Variants in USP37 observed in about 807,000 individuals in gnomAD.
The protein encoded by USP37 is ubiquitin carboxyl-terminal hydrolase 37.
Under a neutral mutation model 124.0 loss-of-function variants are expected in USP37, and 27 were observed. The observed-to-expected ratio is 0.22, with a 90% CI of 0.16 to 0.30. The LOEUF is 0.30. Ranked by LOEUF, USP37 falls within the 10% of genes least tolerant of loss-of-function variation. The pLI, the probability that USP37 is intolerant of heterozygous loss-of-function variation, is 1.00. For synonymous variants in USP37, 365 were observed against 388.0 expected (o/e 0.94, Z 0.70); for missense variants, 889 against 1,140.4 (o/e 0.78, Z 3.17).
chr2:218,497,906 T>C (rs946472280), intron 12 of USP37, 49 bp from the exon 13 acceptor site: 1 of 1,590,820 alleles, frequency 6.3e-7, no homozygotes, highest in Non-Finnish European at 8.5e-7. Context: ...TGACATGGCG[T>C]GATATTTTAA....
intron 21 of USP37, among the ~76,000 whole-genome samples, chr2:218,465,515 T>C (rs755428481): frequency 6.6e-5 from 10 of 152,212 alleles, no homozygotes; most frequent in Non-Finnish European, 1.0e-4. Context: ...CAATGAATTA[T>C]AGTTATGAAA....
intron 3 of USP37, among the ~76,000 whole-genome samples, chr2:218,559,590 C>T (rs1693208094): frequency 6.6e-6 from 1 of 152,174 alleles, no homozygotes; most frequent in Non-Finnish European, 1.5e-5. Context: ...TATATTTAAA[C>T]TACCATTCCT....
rs757152311 is a variant in USP37 at position 218,457,057 on chromosome 2, A to C, written c.2713+35T>G. On this transcript the variant is annotated intron_variant, in intron 24 of 25. Coordinates refer to ENST00000258399, the MANE Select transcript of USP37 (RefSeq NM_020935.3). ...ATAAAGAGCAAATGCTGACTAGTTC[A>C]TTTATAAAATGCTGAAATCATGATG... The C allele has an allele frequency of 1.9e-6, 3 of 1,602,760 alleles. No individual in the cohort carries two copies. In the South Asian group the frequency reaches 3.3e-5, roughly 18 times the overall value.
In USP37 at chr2:218,558,650, A is replaced by G; in HGVS notation, c.4T>C (p.Ser2Pro). The change falls in exon 4 of 26, where the codon TCT (serine) becomes CCT (proline). Residue 2 changes from serine to proline, a missense_variant. By Grantham distance (74) the Ser-to-Pro change is moderately conservative. Coordinates refer to ENST00000258399, the MANE Select transcript of USP37 (RefSeq NM_020935.3). M[S>P]PLKIHGPIRI... ...ATAGGACCATGTATCTTCAGAGGAG[A>G]CATATTTTCTTTAAAAATTGCTTCT... is the stretch of plus-strand genomic sequence containing the variant. 6.3e-7 allele frequency: 1 copy of G among 1,588,556 alleles called. No individual in the cohort carries two copies. The highest frequency in any genetic ancestry group is 8.6e-7 in the Non-Finnish European group (1 of 1,168,684).
At position 218,490,847 on chromosome 2, in the gene USP37, C is replaced by T. The variant is rs374541583; in HGVS notation, c.1473-2426G>A. Among the ~76,000 whole-genome samples, 4 of 152,298 alleles carry T rather than the reference C, an allele frequency of 2.6e-5. No individual in the cohort carries two copies. In the East Asian group the frequency reaches 7.7e-4, roughly 29 times the overall value. On this transcript the variant is annotated intron_variant, in intron 14 of 25. Transcript: ENST00000258399. ...TCGAATGAATCAAAAAGGAGATTAT[C>T]TGAATGGGTCAGATCCAATCATATG...
chr2:218,479,609 C>T (rs1291151723), intron 18 of USP37, 41 bp downstream of exon 18: 9 of 1,564,948 alleles, frequency 5.8e-6, no homozygotes, highest in Non-Finnish European at 7.9e-6. Flanking sequence ...TAAGCCAAAA[C>T]CTTAAACACA....
Position 218,497,133 on chromosome 2 carries a change from C to T in USP37, c.1281+601G>A, listed in dbSNP as rs1689124968. 2.6e-5 allele frequency among the ~76,000 whole-genome samples: 4 copies of T among 151,968 alleles called. No homozygotes were observed. In the South Asian group the frequency reaches 6.2e-4, roughly 24 times the overall value. ...TAGCCCAGGTTGGAGTGCAATGGTGCGATCTCAGCTCACTGCAACCTCTGC... is the reference window on the plus strand; with the variant it reads ...TAGCCCAGGTTGGAGTGCAATGGTGTGATCTCAGCTCACTGCAACCTCTGC... On this transcript the variant is annotated intron_variant, in intron 13 of 25. Coordinates refer to ENST00000258399, the MANE Select transcript of USP37 (RefSeq NM_020935.3).
chr2:218,479,974 T>C (rs895171349), intron 17 of USP37, among the ~76,000 whole-genome samples: 2 of 152,008 alleles, frequency 1.3e-5, no homozygotes, highest in South Asian at 2.1e-4. Flanking sequence ...GGTGAAACCC[T>C]GTCTCTACTA....
Position 218,474,782 on chromosome 2 carries a change from C to T in USP37, c.2147G>A (p.Ser716Asn). The part of the protein sequence containing the change: ...EELLAAVLEI[S>N]KRDASPSLSH... Reference sequence around the variant, plus strand: ...CAGAGATGGTGAAGCATCTCTCTTACTTATCTCCAAGACAGCTGCTAGAAG... The same window carrying T: ...CAGAGATGGTGAAGCATCTCTCTTATTTATCTCCAAGACAGCTGCTAGAAG... The change falls in exon 20 of 26, where the codon AGT becomes AAT. Residue 716 changes from serine (S) to asparagine (N), a missense_variant. Ser to Asn is a conservative substitution (Grantham distance 46). Coordinates refer to ENST00000258399, the MANE Select transcript of USP37 (RefSeq NM_020935.3). The T allele has an allele frequency of 6.2e-7, 1 of 1,614,164 alleles. No individual in the cohort carries two copies. Among genetic ancestry groups the T allele is most frequent in the Non-Finnish European group, 8.5e-7 (1 of 1,180,026 alleles).
Position 218,482,144 on chromosome 2 carries a change from G to A in USP37, c.1761C>T (p.Tyr587=). The A allele has an allele frequency of 6.2e-7, 1 of 1,613,934 alleles. No homozygotes were observed. Among genetic ancestry groups the A allele is most frequent in the Non-Finnish European group, 8.5e-7 (1 of 1,179,888 alleles). The change falls in exon 17 of 26, where the codon TAC becomes TAT. Residue 587 remains tyrosine (Y), a synonymous_variant. Coordinates refer to ENST00000258399, the MANE Select transcript of USP37 (RefSeq NM_020935.3). ...KIGQQVIIPR[Y]LTLSSHCTEN... ...CAGTGCAATGAGATGACAGGGTCAG[G>A]TATCTTGGAATGATGACTTGCTGCC...
In USP37 at chr2:218,463,384, A is replaced by G. The variant is rs760539035; in HGVS notation, c.2467-18T>C. ...CAAGCCTCCTAAAGGGAAAAGAACA[A>G]AAACTAAGGTATTTAAAGAGGTACT... On this transcript the variant is annotated intron_variant, in intron 21 of 25. Coordinates refer to ENST00000258399, the MANE Select transcript of USP37 (RefSeq NM_020935.3). 9.3e-6 allele frequency: 15 copies of G among 1,612,622 alleles called. No individual in the cohort carries two copies. The highest frequency in any genetic ancestry group is 1.2e-5 in the Non-Finnish European group (14 of 1,178,802).
chr2:218,544,430 T>TATATATAGAGAGAGAGAG (rs377397246), intron 8 of USP37, among the ~76,000 whole-genome samples: 1 of 50,818 alleles, frequency 2.0e-5, no homozygotes, highest in Non-Finnish European at 2.9e-5. Flanking sequence ...TATATATATA[T>TATATATAGAGAGAGAGAG]AGAGAGAGAG....
chr2:218,478,512 T>A (rs1019346351), intron 18 of USP37, among the ~76,000 whole-genome samples: 1 of 152,238 alleles, frequency 6.6e-6, no homozygotes, highest in Non-Finnish European at 1.5e-5. Context: ...TTGATCGGCA[T>A]GACAGGTCTT....
At chr2:218,477,708 A>T (rs777507036) in intron 18 of USP37, among the ~76,000 whole-genome samples, 17 of 152,280 alleles carry the variant, frequency 1.1e-4, no homozygotes, top group Non-Finnish European at 1.9e-4. Flanking sequence ...ACAGTGCAAT[A>T]ATTGATACTT....
chr2:218,544,386 C>CA lies in USP37; in HGVS notation c.680+1834dup, dbSNP rs1163366372. Among the ~76,000 whole-genome samples, 67 of 25,784 alleles carry CA rather than the reference C, an allele frequency of 2.6e-3. 1 individual carries two copies. Among genetic ancestry groups the CA allele is most frequent in the Middle Eastern group, 0.022 (1 of 46 alleles). 16.9% of individuals were successfully genotyped at this position (25,784 alleles called of 152,430 possible). A position where few individuals can be genotyped will look rare whatever the true frequency, so the allele number is the denominator to read the frequency against. On this transcript the variant is annotated intron_variant, in intron 8 of 25. Transcript: ENST00000258399. ...GGTGACAGAACAAGACTCCGTTTCA[C>CA]AAAAAAAAAAAAAAAAAAAAATATA... is the stretch of plus-strand genomic sequence containing the variant.
intron 11 of USP37, among the ~76,000 whole-genome samples, chr2:218,503,832 AAAGT>A (rs1689527694): frequency 6.6e-6 from 1 of 152,172 alleles, no homozygotes; most frequent in Non-Finnish European, 1.5e-5. Context: ...AAAAGAGAAA[AAAGT>A]AACCAAGGAC....
At chr2:218,469,679 C>G (rs1037332826) in intron 20 of USP37, among the ~76,000 whole-genome samples, 14 of 151,986 alleles carry the variant, frequency 9.2e-5, no homozygotes, top group African/African-American at 3.4e-4. Flanking sequence ...ATACATTTGT[C>G]TTCAGGATAA....
intron 10 of USP37, among the ~76,000 whole-genome samples, chr2:218,521,879 T>A (rs1002190708): frequency 6.6e-6 from 1 of 152,172 alleles, no homozygotes; most frequent in African/African-American, 2.4e-5. Flanking sequence ...CTTAACGTTG[T>A]CTTTTCCAGT....
intron 10 of USP37, among the ~76,000 whole-genome samples, chr2:218,510,584 A>C (rs943802613): frequency 4.6e-5 from 7 of 152,076 alleles, no homozygotes; most frequent in Middle Eastern, 3.2e-3. Context: ...TTCAATCTTC[A>C]TTTTTAATTT....
Sources: allele counts gnomAD v4.1 joint callset (sites outside exome capture counted in the v4.1 genomes callset), GRCh38; gene constraint gnomAD v4.1.1; transcripts MANE v1.5; gene names NCBI Gene and HGNC (gene_info 2026-07-23, HGNC 2026-07-21).